AGBL4: variants seen among roughly 807,000 people sequenced by gnomAD.
The protein encoded by AGBL4 is cytosolic carboxypeptidase 6.
In AGBL4, 58 loss-of-function variants were observed where a neutral mutation model predicts 66.4. The ratio of observed to expected loss-of-function variants is 0.87; its 90% CI spans 0.71 to 1.09. The LOEUF (loss-of-function observed/expected upper bound fraction) is 1.09, where lower values mean the gene tolerates loss of function less well. Among genes scored for constraint, AGBL4 ranks in the 50% least tolerant of loss-of-function variants. AGBL4 has a pLI of 0.00. For missense variants in AGBL4, 579 were observed against 631.0 expected, an observed-to-expected ratio of 0.92 and a Z score of 0.88; for synonymous variants, 234 against 222.9, an observed-to-expected ratio of 1.05 and a Z score of -0.44.
chr1:49,789,419 G>GT (rs1205778887), intron 2 of AGBL4, among the ~76,000 whole-genome samples: 1 of 152,112 alleles, frequency 6.6e-6, no homozygotes, highest in African/African-American at 2.4e-5. Context: ...TGACATGATT[G>GT]TATGTTTAGA....
chr1:49,802,497 T>C (rs1379478985), intron 2 of AGBL4, among the ~76,000 whole-genome samples: 1 of 152,210 alleles, frequency 6.6e-6, no homozygotes, highest in African/African-American at 2.4e-5. Context: ...GTGTTTCTGT[T>C]TTTAGTCTCT....
At chr1:49,977,481 C>T (rs1185327502) in intron 1 of AGBL4, among the ~76,000 whole-genome samples, 1 of 152,234 alleles carries the variant, frequency 6.6e-6, no homozygotes, top group Non-Finnish European at 1.5e-5. Context: ...CAACACCATT[C>T]AAAACAGAAA....
intron 3 of AGBL4, among the ~76,000 whole-genome samples, chr1:49,405,643 C>T (rs1645180077): frequency 6.6e-6 from 1 of 152,112 alleles, no homozygotes; most frequent in African/African-American, 2.4e-5. Flanking sequence ...CTTTTCTTCC[C>T]TTTGATGAGG....
intron 4 of AGBL4, among the ~76,000 whole-genome samples, chr1:49,235,669 C>A (rs930537699): frequency 2.6e-5 from 4 of 152,152 alleles, no homozygotes; most frequent in Non-Finnish European, 5.9e-5. Flanking sequence ...TGGTTCCTAT[C>A]ACTTATAAGG....
intron 10 of AGBL4, among the ~76,000 whole-genome samples, chr1:48,587,998 T>A (rs1052787160): frequency 1.3e-5 from 2 of 152,204 alleles, no homozygotes; most frequent in African/African-American, 4.8e-5. Flanking sequence ...CTTTCAATTG[T>A]ATGATATTGT....
chr1:49,287,358 C>G (rs1347774596), intron 3 of AGBL4, among the ~76,000 whole-genome samples: 1 of 147,488 alleles, frequency 6.8e-6, no homozygotes, highest in Non-Finnish European at 1.5e-5. Flanking sequence ...CCAAAATTGA[C>G]AAATGGGATC....
intron 2 of AGBL4, among the ~76,000 whole-genome samples, chr1:49,779,637 G>A: frequency 6.6e-6 from 1 of 152,140 alleles, no homozygotes; most frequent in East Asian, 1.9e-4. Flanking sequence ...ACACGAGTAT[G>A]GCTGGCATGG....
At chr1:49,565,262 G>T (rs1173815631) in intron 3 of AGBL4, among the ~76,000 whole-genome samples, 2 of 152,240 alleles carry the variant, frequency 1.3e-5, no homozygotes, top group African/African-American at 4.8e-5. Flanking sequence ...TATCCAAATT[G>T]CCAGTCTGTG....
intron 6 of AGBL4, among the ~76,000 whole-genome samples, chr1:48,680,738 G>A (rs774195976): frequency 2.0e-5 from 3 of 152,146 alleles, no homozygotes; most frequent in African/African-American, 4.8e-5. Flanking sequence ...ATATATGTTC[G>A]GAGACTGTGG....
intron 6 of AGBL4, among the ~76,000 whole-genome samples, chr1:48,691,185 G>A (rs1292946113): frequency 2.0e-5 from 3 of 146,442 alleles, no homozygotes; most frequent in African/African-American, 7.5e-5. Flanking sequence ...ACACATATAT[G>A]TGTGTATATA....
chr1:49,185,821 C>T (rs751245933), intron 4 of AGBL4, among the ~76,000 whole-genome samples: 1 of 152,102 alleles, frequency 6.6e-6, no homozygotes, highest in Non-Finnish European at 1.5e-5. Context: ...ATTCTTGCAA[C>T]TATTTAAGGA....
At chr1:49,739,835 C>T (rs1315838978) in intron 2 of AGBL4, among the ~76,000 whole-genome samples, 1 of 152,096 alleles carries the variant, frequency 6.6e-6, no homozygotes, top group Non-Finnish European at 1.5e-5. Flanking sequence ...TAAAATCCTT[C>T]ACAGACAAGC....
intron 4 of AGBL4, among the ~76,000 whole-genome samples, chr1:49,124,326 A>G (rs1371043821): frequency 6.6e-6 from 1 of 152,206 alleles, no homozygotes; most frequent in African/African-American, 2.4e-5. Flanking sequence ...GTAAGGGTCA[A>G]ATGATAGAAG....
At chr1:49,237,719 T>A (rs1157430582) in intron 4 of AGBL4, among the ~76,000 whole-genome samples, 3 of 151,864 alleles carry the variant, frequency 2.0e-5, no homozygotes, top group Non-Finnish European at 4.4e-5. Context: ...GTCAATGTTA[T>A]AATTTTTGCT....
chr1:48,916,589 T>A (rs1453616313), intron 5 of AGBL4, among the ~76,000 whole-genome samples: 1 of 152,208 alleles, frequency 6.6e-6, no homozygotes, highest in Admixed American at 6.5e-5. Flanking sequence ...GCATTTGATG[T>A]TTCCTTGTTC....
intron 3 of AGBL4, among the ~76,000 whole-genome samples, chr1:49,499,593 A>G (rs1647938831): frequency 6.6e-6 from 1 of 151,472 alleles, no homozygotes; most frequent in African/African-American, 2.4e-5. Context: ...GTTCCCACTT[A>G]TAAGTGAGAA....
intron 3 of AGBL4, among the ~76,000 whole-genome samples, chr1:49,366,530 T>C (rs1361666141): frequency 6.6e-6 from 1 of 152,212 alleles, no homozygotes; most frequent in Non-Finnish European, 1.5e-5. Context: ...AATTATACTT[T>C]TTATTCCCTT....
intron 5 of AGBL4, among the ~76,000 whole-genome samples, chr1:48,925,978 A>C (rs1654523955): frequency 1.3e-5 from 2 of 152,154 alleles, no homozygotes; most frequent in South Asian, 4.1e-4. Flanking sequence ...AGGTAATGGT[A>C]GTGGAATAGA....
chr1:48,884,728 G>C (rs991306083), intron 5 of AGBL4, among the ~76,000 whole-genome samples: 1 of 152,106 alleles, frequency 6.6e-6, no homozygotes, highest in African/African-American at 2.4e-5. Flanking sequence ...TGCAAGTAGA[G>C]TACCACATTG....
Sources: allele counts gnomAD v4.1 joint callset (sites outside exome capture counted in the v4.1 genomes callset), GRCh38; gene constraint gnomAD v4.1.1; transcripts MANE v1.5; gene names NCBI Gene and HGNC (gene_info 2026-07-23, HGNC 2026-07-21).